GPC3: variants seen among roughly 807,000 people sequenced by gnomAD.
The protein encoded by GPC3 is glypican-3.
GPC3 carries 3 observed loss-of-function variants against 34.4 expected under a neutral mutation model. The observed-to-expected ratio is 0.09, with a 90% CI of 0.04 to 0.23. GPC3 has a LOEUF of 0.23. Among genes scored for constraint, GPC3 ranks in the 10% least tolerant of loss-of-function variants. The pLI is 1.00. For synonymous variants in GPC3, 177 were observed against 174.0 expected (o/e 1.02, Z -0.13); for missense variants, 351 against 445.6 (o/e 0.79, Z 1.91).
chrX:133,975,798 T>C (rs1053139420), intron 1 of GPC3, among the ~76,000 whole-genome samples: 3 of 112,416 alleles, frequency 2.7e-5, no homozygotes, highest in Non-Finnish European at 5.6e-5. Flanking sequence ...AGAAATGGCA[T>C]ATAAAGTTCA....
chrX:133,772,674 T>G (rs1240215159), intron 2 of GPC3, among the ~76,000 whole-genome samples: 3 of 112,394 alleles, frequency 2.7e-5, no homozygotes, highest in African/African-American at 9.7e-5. Flanking sequence ...TAATGATGAC[T>G]AAATAACAGT....
intron 2 of GPC3, among the ~76,000 whole-genome samples, chrX:133,945,762 AAAAAGAAAAG>A (rs1201165000): frequency 3.6e-5 from 4 of 110,875 alleles, no homozygotes; most frequent in East Asian, 2.8e-4. Flanking sequence ...TCAAAAAAAA[AAAAAGAAAAG>A]AAAAGAAAAG....
rs779688123 is a variant in GPC3, at chrX:133,536,151, C to G, written c.1716G>C (p.Val572=). Residue 572 remains valine, a synonymous_variant, in exon 8 of 8, where the codon GTG becomes GTC. Transcript: ENST00000370818. ...LKLLTSMAIS[V]VCFFFLVH ...AGTGCACCAGGAAGAAGAAGCACAC[C>G]ACCGAGATGGCCATGCTGGTGAGAA... 4.2e-5 allele frequency: 51 copies of G among 1,205,276 alleles called. No homozygotes were observed. The highest frequency in any genetic ancestry group is 5.6e-5 in the Non-Finnish European group (50 of 892,897).
At chrX:133,693,288 G>T (rs1382035028) in intron 4 of GPC3, among the ~76,000 whole-genome samples, 5 of 108,738 alleles carry the variant, frequency 4.6e-5, no homozygotes, top group Admixed American at 1.0e-4. Context: ...ACATATACCA[G>T]AAAAATTTCA....
intron 2 of GPC3, among the ~76,000 whole-genome samples, chrX:133,843,683 A>C (rs950389565): frequency 6.3e-5 from 7 of 111,397 alleles, no homozygotes; most frequent in African/African-American, 1.6e-4. Context: ...AGAGATAATA[A>C]ATTATTATTG....
intron 2 of GPC3, among the ~76,000 whole-genome samples, chrX:133,881,760 T>C (rs1427566530): frequency 8.9e-6 from 1 of 112,313 alleles, no homozygotes; most frequent in East Asian, 2.8e-4. Context: ...CAAAACATTT[T>C]TGTCAAAGAG....
chrX:133,837,629 C>T (rs751877414), intron 2 of GPC3, among the ~76,000 whole-genome samples: 2 of 111,583 alleles, frequency 1.8e-5, no homozygotes, highest in African/African-American at 3.3e-5. Flanking sequence ...AGACCTAACC[C>T]AACATGTCTT....
chrX:133,858,190 C>A (rs1030810598), intron 2 of GPC3, among the ~76,000 whole-genome samples: 10 of 112,142 alleles, frequency 8.9e-5, no homozygotes, highest in African/African-American at 2.6e-4. Context: ...CCTACACTTA[C>A]ATCAAATAGA....
At chrX:133,818,975 C>A (rs780153926) in intron 2 of GPC3, among the ~76,000 whole-genome samples, 3 of 109,903 alleles carry the variant, frequency 2.7e-5, no homozygotes, top group South Asian at 8.1e-4. Flanking sequence ...TGATTTTTCT[C>A]TACTGATGGA....
intron 6 of GPC3, among the ~76,000 whole-genome samples, chrX:133,646,288 A>G (rs1242277732): frequency 9.0e-6 from 1 of 111,385 alleles, no homozygotes; most frequent in East Asian, 2.8e-4. Flanking sequence ...GCTACATAGA[A>G]GAGAGTTCAG....
intron 2 of GPC3, among the ~76,000 whole-genome samples, chrX:133,842,559 G>A (rs1216121481): frequency 9.2e-6 from 1 of 109,045 alleles, no homozygotes; most frequent in Non-Finnish European, 1.9e-5. Flanking sequence ...AGCCACTAAG[G>A]AAACATGTTG....
At chrX:133,971,214 T>C (rs2076491593) in intron 1 of GPC3, among the ~76,000 whole-genome samples, 1 of 112,590 alleles carries the variant, frequency 8.9e-6, no homozygotes, top group South Asian at 3.7e-4. Context: ...GTAAACTACA[T>C]AGCAATGATC....
At chrX:133,560,963 T>C (rs2069535711) in intron 7 of GPC3, among the ~76,000 whole-genome samples, 1 of 111,594 alleles carries the variant, frequency 9.0e-6, no homozygotes, top group Admixed American at 9.6e-5. Context: ...CTGTCTCATA[T>C]TCTCTCTCAT....
At chrX:133,982,694 C>T (rs1004990498) in intron 1 of GPC3, among the ~76,000 whole-genome samples, 6 of 112,141 alleles carry the variant, frequency 5.4e-5, no homozygotes, top group Non-Finnish European at 9.4e-5. Context: ...TTTCTCCTTA[C>T]TGTGACTGAA....
chrX:133,718,162 T>C (rs2071332495), intron 3 of GPC3, among the ~76,000 whole-genome samples: 1 of 112,051 alleles, frequency 8.9e-6, no homozygotes, highest in African/African-American at 3.2e-5. Flanking sequence ...AGTATAAATA[T>C]ATTTTTGGTT....
At chrX:133,627,443 G>A (rs763206418) in intron 6 of GPC3, among the ~76,000 whole-genome samples, 4 of 111,736 alleles carry the variant, frequency 3.6e-5, no homozygotes, top group South Asian at 3.8e-4. Flanking sequence ...CATTCCTACC[G>A]TTAATATTAA....
intron 7 of GPC3, among the ~76,000 whole-genome samples, chrX:133,577,218 G>A (rs190358392): frequency 8.9e-6 from 1 of 112,345 alleles, no homozygotes; most frequent in East Asian, 2.8e-4. Flanking sequence ...CAGACATGAA[G>A]CTAAGATGAA....
chrX:133,672,280 C>T (rs2070834633), intron 5 of GPC3, among the ~76,000 whole-genome samples: 1 of 111,546 alleles, frequency 9.0e-6, no homozygotes, highest in African/African-American at 3.3e-5. Flanking sequence ...AGTAAATAAG[C>T]ACAGCAAAAG....
chrX:133,849,603 T>C (rs2075863435), intron 2 of GPC3, among the ~76,000 whole-genome samples: 2 of 110,957 alleles, frequency 1.8e-5, no homozygotes, highest in Admixed American at 1.9e-4. Flanking sequence ...TTCCACCTGG[T>C]AATAAAGTAA....
Sources: gnomAD v4.1 joint callset for allele counts (sites outside exome capture counted in the v4.1 genomes callset) on GRCh38, gnomAD v4.1.1 for gene constraint, MANE v1.5 for transcripts, NCBI Gene and HGNC (gene_info 2026-07-23, HGNC 2026-07-21) for gene names.